Variants in XIRP1 observed in about 807,000 individuals in gnomAD.
XIRP1 encodes the protein xin actin-binding repeat-containing protein 1.
For synonymous variants in XIRP1, 984 were observed against 947.0 expected (o/e 1.04, Z -0.72); for missense variants, 2,378 against 2,345.4 (o/e 1.01, Z -0.29).
Position 39,186,647 on chromosome 3 carries a change from T to G in XIRP1, c.2799A>C (p.Ile933=). Reference sequence around the variant, plus strand: ...GCAGGCCACTCAGGTCTCCTTTATCTATGCAGCTGGCCAACAGCTGCACGC... The same window carrying G: ...GCAGGCCACTCAGGTCTCCTTTATCGATGCAGCTGGCCAACAGCTGCACGC... ...RSSVQLLASC[I]DKGDLSGLHS... The change falls in exon 2 of 2, where the codon ATA becomes ATC. Residue 933 remains isoleucine (I), a synonymous_variant. Coordinates refer to ENST00000340369, the MANE Select transcript of XIRP1 (RefSeq NM_194293.4). 1 of 1,613,154 alleles carries G rather than the reference T, an allele frequency of 6.2e-7. No homozygotes were observed. The highest frequency in any genetic ancestry group is 1.3e-5 in the African/African-American group (1 of 75,016).
At position 39,185,446 on chromosome 3, in the gene XIRP1, T is replaced by A; in HGVS notation, c.4000A>T (p.Thr1334Ser). The A allele has an allele frequency of 6.2e-7, 1 of 1,604,844 alleles. No homozygotes were observed. The highest frequency in any genetic ancestry group is 8.5e-7 in the Non-Finnish European group (1 of 1,175,130). Residue 1334 changes from threonine to serine, a missense_variant, in exon 2 of 2, where the codon ACC (threonine) becomes TCC (serine). Physicochemically the swap from Thr to Ser is moderately conservative, Grantham distance 58 (BLOSUM62 1). Transcript: ENST00000340369. ...AGCCTCTGAGGAGGGTGGCTCTGGG[T>A]TAGGTGTGCAGGTTTAGGGGGCAGC... The part of the protein sequence containing the change: ...PQLPPKPAHL[T>S]QSHPPQRLPK...
rs1266957683 is a variant in XIRP1 at position 39,185,245 on chromosome 3, G to C, written c.4201C>G (p.His1401Asp). Residue 1401 changes from histidine to aspartate, a missense_variant, in exon 2 of 2, where the codon CAT becomes GAT. Coordinates refer to ENST00000340369, the MANE Select transcript of XIRP1 (RefSeq NM_194293.4). ...PSGHSQPSLQ[H>D]GLSTTAPRPT... ...CTGGGGGCCGTGGTGCTGAGGCCAT[G>C]TTGTAAGCTGGGCTGGCTATGTCCA... is the stretch of plus-strand genomic sequence containing the variant. The C allele has an allele frequency of 6.2e-7, 1 of 1,614,218 alleles. No individual in the cohort carries two copies. The highest frequency in any genetic ancestry group is 8.5e-7 in the Non-Finnish European group (1 of 1,180,040).
At position 39,189,419 on chromosome 3, in the gene XIRP1, G is replaced by T. The variant is rs2040055526; in HGVS notation, c.27C>A (p.Ala9=). ...TTGCCATCCTCATGGTTGGTGTGGG[G>T]GCCACCTGTGTCTGGGTGTCGGCCA... MADTQTQV[A]PTPTMRMATA... Residue 9 remains alanine (A), a synonymous_variant, in exon 2 of 2, where the codon GCC becomes GCA. Transcript: ENST00000340369. 4 of 1,601,380 alleles carry T rather than the reference G, an allele frequency of 2.5e-6. No homozygotes were observed. The highest frequency in any genetic ancestry group is 3.4e-6 in the Non-Finnish European group (4 of 1,173,562).
rs573396589 is a variant in XIRP1, at chr3:39,184,667, G to A, written c.4779C>T (p.Ser1593=). The change falls in exon 2 of 2, where the codon AGC becomes AGT. Residue 1593 remains serine (S), a synonymous_variant. Transcript: ENST00000340369. ...CCTGGCCTGAGCCACTGGGCCTGGC[G>A]CTACTGCTGACTGTGACACTGATCT... The part of the protein sequence containing the change: ...AHKISVTVSS[S]ARPSGSGQEV... 2.4e-5 allele frequency: 39 copies of A among 1,614,046 alleles called. No homozygotes were observed. In the East Asian group the frequency reaches 5.3e-4, roughly 22 times the overall value.
rs571280940 is a variant in XIRP1 at position 39,189,185 on chromosome 3, G to A, written c.261C>T (p.Thr87=). 24 of 1,614,034 alleles carry A rather than the reference G, an allele frequency of 1.5e-5. No homozygotes were observed. Among genetic ancestry groups the A allele is most frequent in the African/African-American group, 5.3e-5 (4 of 74,932 alleles). ...AGCGCATGCACTGAACGTCACCCTCGGTGGGTTCCTCAGAGCCCAGGACCT... is the reference window on the plus strand; with the variant it reads ...AGCGCATGCACTGAACGTCACCCTCAGTGGGTTCCTCAGAGCCCAGGACCT... ...LAEVLGSEEP[T]EGDVQCMRWI... The change falls in exon 2 of 2, where the codon ACC becomes ACT. Residue 87 remains threonine (T), a synonymous_variant. Transcript: ENST00000340369.
chr3:39,189,439 C>T lies in XIRP1; in HGVS notation c.7G>A (p.Asp3Asn), dbSNP rs2271488. The change falls in exon 2 of 2, where the codon GAC becomes AAC. Residue 3 changes from aspartate to asparagine, a missense_variant. Asp to Asn is a conservative substitution (Grantham distance 23). Transcript: ENST00000340369. Reference sequence around the variant, plus strand: ...GTGGGGGCCACCTGTGTCTGGGTGTCGGCCATCCTTCTGAGAAGAAGGGGC... The same window carrying T: ...GTGGGGGCCACCTGTGTCTGGGTGTTGGCCATCCTTCTGAGAAGAAGGGGC... MADTQTQVAPTPT... is the reference protein window; with the variant it reads MANTQTQVAPTPT... The T allele has an allele frequency of 4.3e-4, 687 of 1,583,836 alleles. 2 individuals carry two copies. The East Asian group carries it at 9.6e-3, about 22-fold the overall frequency.
In XIRP1 at chr3:39,188,846, C is replaced by T. The variant is rs766405846; in HGVS notation, c.600G>A (p.Leu200=). ...GGGAGGGGCGGGAGCCCAGGCGGTC[C>T]AGCGGCCGCGTCTCAAAGAGCATCC... ...GTRMLFETRP[L]DRLGSRPSLQ... is the part of the protein sequence containing the mutation. Residue 200 remains leucine, a synonymous_variant, in exon 2 of 2, where the codon CTG becomes CTA. Transcript: ENST00000340369. The T allele has an allele frequency of 1.9e-6, 3 of 1,612,548 alleles. No individual in the cohort carries two copies. Among genetic ancestry groups the T allele is most frequent in the Non-Finnish European group, 1.7e-6 (2 of 1,180,016 alleles).
Position 39,184,373 on chromosome 3 carries a change from G to A in XIRP1, c.5073C>T (p.Asn1691=), listed in dbSNP as rs2039922345. The A allele has an allele frequency of 3.7e-6, 6 of 1,614,182 alleles. No homozygotes were observed. Among genetic ancestry groups the A allele is most frequent in the Non-Finnish European group, 5.1e-6 (6 of 1,180,026 alleles). The change falls in exon 2 of 2, where the codon AAC becomes AAT. Residue 1691 remains asparagine (N), a synonymous_variant. Transcript: ENST00000340369. ...GTGTGCTTTTCACTGAGACATCAGG[G>A]TTGCCCTTAAAGCTGGGAGTCTCTA... The part of the protein sequence containing the change: ...KPLETPSFKG[N]PDVSVKSTQL...
In XIRP1 at chr3:39,185,797, CT is replaced by C. The variant is rs771161734; in HGVS notation, c.3648del (p.Gly1218AlafsTer9). The C allele has an allele frequency of 5.1e-5, 82 of 1,612,888 alleles. No homozygotes were observed. The highest frequency in any genetic ancestry group is 6.6e-5 in the Non-Finnish European group (78 of 1,179,492). On this transcript the variant is annotated frameshift_variant, in exon 2 of 2. Transcript: ENST00000340369. LOFTEE classifies it low-confidence loss of function (END_TRUNC). ...PPGKAMAEVC[P>X]GGLQAAETTL... ...GTGGTCTCTGCAGCTTGGAGGCCCC[CT>C]GGGCAGACTTCTGCCATCGCCTTCC...
At position 39,186,939 on chromosome 3, in the gene XIRP1, C is replaced by T. The variant is rs763435268; in HGVS notation, c.2507G>A (p.Arg836His). 3.7e-5 allele frequency: 60 copies of T among 1,613,212 alleles called. No individual in the cohort carries two copies. Among genetic ancestry groups the T allele is most frequent in the South Asian group, 9.9e-5 (9 of 91,090 alleles). ...CCCCTGCTGGTCCACATCTGGCCGGCGCAGGACTTGGCAGATGATCCTGGG... is the reference window on the plus strand; with the variant it reads ...CCCCTGCTGGTCCACATCTGGCCGGTGCAGGACTTGGCAGATGATCCTGGG... ...ELPRIICQVL[R>H]RPDVDQQGLL... The change falls in exon 2 of 2, where the codon CGC becomes CAC. Residue 836 changes from arginine to histidine, a missense_variant. Transcript: ENST00000340369.
In XIRP1 at chr3:39,183,549, G is replaced by A. The variant is rs1196413614; in HGVS notation, c.*365C>T. On this transcript the variant is annotated 3_prime_UTR_variant, in exon 2 of 2. Coordinates refer to ENST00000340369, the MANE Select transcript of XIRP1 (RefSeq NM_194293.4). ...AAGAAATAAAAACTCTGGGTAGAGG[G>A]ACACTCTGGGGGGCTCCAATTCAGG... 8 of 227,318 alleles carry A rather than the reference G, an allele frequency of 3.5e-5. 1 individual carries two copies. In the Admixed American group the frequency reaches 4.1e-4, roughly 12 times the overall value. 14.1% of individuals were successfully genotyped at this position (227,318 alleles called of 1,614,324 possible).
Position 39,186,835 on chromosome 3 carries a change from T to G in XIRP1, c.2611A>C (p.Ile871Leu), listed in dbSNP as rs775425823. 1 of 1,613,746 alleles carries G rather than the reference T, an allele frequency of 6.2e-7. No homozygotes were observed. The highest frequency in any genetic ancestry group is 8.5e-7 in the Non-Finnish European group (1 of 1,179,702). The change falls in exon 2 of 2, where the codon ATT (isoleucine) becomes CTT (leucine). Residue 871 changes from isoleucine (I) to leucine (L), a missense_variant. Ile to Leu is a conservative substitution (Grantham distance 5, BLOSUM62 2). Coordinates refer to ENST00000340369, the MANE Select transcript of XIRP1 (RefSeq NM_194293.4). ...RLPTPGSSGN[I>L]EDMDPELQQL... ...TGGAGCTCAGGGTCCATGTCTTCAA[T>G]ATTCCCACTGCTGCCTGGAGTTGGC...
Position 39,183,345 on chromosome 3 carries a change from GT to G in XIRP1, c.*568del, listed in dbSNP as rs2039899366. Reference sequence around the variant, plus strand: ...GACATGCTGATTGCTGACTCTTTGGGTGACCTTTGGGCCACCAGATGACCAG... The same window carrying G: ...GACATGCTGATTGCTGACTCTTTGGGGACCTTTGGGCCACCAGATGACCAG... On this transcript the variant is annotated 3_prime_UTR_variant, in exon 2 of 2. Transcript: ENST00000340369. 6.5e-6 allele frequency: 1 copy of G among 153,574 alleles called. No homozygotes were observed. The allele number at this position is 153,574 out of a possible 1,614,324, so 9.5% of individuals were successfully genotyped here. A position where few individuals can be genotyped will look rare whatever the true frequency, so the allele number is the denominator to read the frequency against.
chr3:39,187,051 C>G lies in XIRP1; in HGVS notation c.2395G>C (p.Glu799Gln), dbSNP rs1236266229. The G allele has an allele frequency of 6.2e-7, 1 of 1,612,524 alleles. No individual in the cohort carries two copies. The change falls in exon 2 of 2, where the codon GAG becomes CAG. Residue 799 changes from glutamate to glutamine, a missense_variant. Glu to Gln is a conservative substitution (Grantham distance 29, BLOSUM62 2). Coordinates refer to ENST00000340369, the MANE Select transcript of XIRP1 (RefSeq NM_194293.4). ...AGCACATACTTGGCAAGACAGAGCTCCCCTGGCCCTCGGGCCTCCATGAGG... is the reference window on the plus strand; with the variant it reads ...AGCACATACTTGGCAAGACAGAGCTGCCCTGGCCCTCGGGCCTCCATGAGG... ...GILMEARGPG[E>Q]LCLAKYVLSG...
In XIRP1 at chr3:39,188,144, T is replaced by C. The variant is rs750629044; in HGVS notation, c.1302A>G (p.Leu434=). 1 of 1,614,168 alleles carries C rather than the reference T, an allele frequency of 6.2e-7. No individual in the cohort carries two copies. The highest frequency in any genetic ancestry group is 8.5e-7 in the Non-Finnish European group (1 of 1,180,012). The change falls in exon 2 of 2, where the codon CTA becomes CTG. Residue 434 remains leucine (L), a synonymous_variant. Coordinates refer to ENST00000340369, the MANE Select transcript of XIRP1 (RefSeq NM_194293.4). ...FSQSAPQRDE[L]KGDVKTFKNL... ...TCTTAAAAGTCTTCACATCCCCCTT[T>C]AGCTCATCCCTCTGGGGGGCACTCT...
Position 39,189,308 on chromosome 3 carries a change from A to G in XIRP1, c.138T>C (p.His46=), listed in dbSNP as rs1279975468. ...PPPKESFSKF[H]QQRQASELRR... ...GGAGCTCACTAGCTTGCCGCTGCTG[A>G]TGGAACTTGGAGAAGGATTCCTTGG... Residue 46 remains histidine, a synonymous_variant, in exon 2 of 2, where the codon CAT becomes CAC. Transcript: ENST00000340369. 2 of 1,416,896 alleles carry G rather than the reference A, an allele frequency of 1.4e-6. No individual in the cohort carries two copies. Among genetic ancestry groups the G allele is most frequent in the South Asian group, 1.1e-5 (1 of 88,696 alleles). The allele number at this position is 1,416,896 out of a possible 1,614,324, so 87.8% of individuals were successfully genotyped here.
Position 39,184,463 on chromosome 3 carries a change from AG to A in XIRP1, c.4982del (p.Pro1661LeufsTer23). On this transcript the variant is annotated frameshift_variant, in exon 2 of 2. Transcript: ENST00000340369. LOFTEE classifies it low-confidence loss of function (END_TRUNC). ...REYLCPPRVLPSSRDSPSSPT... is the reference protein window; with the variant it reads ...REYLCPPRVLXSSRDSPSSPT... ...GGGAGGAGGGAGAATCTCGGCTGGA[AG>A]GTAAAACCCGAGGAGGGCACAAATA... The A allele has an allele frequency of 7.4e-6, 12 of 1,614,142 alleles. No individual in the cohort carries two copies. The highest frequency in any genetic ancestry group is 1.0e-5 in the Non-Finnish European group (12 of 1,180,024).
chr3:39,184,249 G>T lies in XIRP1; in HGVS notation c.5197C>A (p.Pro1733Thr), dbSNP rs768389701. 6 of 1,614,072 alleles carry T rather than the reference G, an allele frequency of 3.7e-6. No homozygotes were observed. Among genetic ancestry groups the T allele is most frequent in the Non-Finnish European group, 5.1e-6 (6 of 1,180,016 alleles). Reference protein sequence around the residue: ...DITQCSVQPEPAPPSASPLPR... With the variant: ...DITQCSVQPETAPPSASPLPR... Reference sequence around the variant, plus strand: ...AGGGGACTGGCTGAGGGAGGGGCAGGTTCAGGTTGCACAGAGCACTGGGTG... The same window carrying T: ...AGGGGACTGGCTGAGGGAGGGGCAGTTTCAGGTTGCACAGAGCACTGGGTG... The change falls in exon 2 of 2, where the codon CCT (proline) becomes ACT (threonine). Residue 1733 changes from proline to threonine, a missense_variant. Coordinates refer to ENST00000340369, the MANE Select transcript of XIRP1 (RefSeq NM_194293.4).
intron 1 of XIRP1, among the ~76,000 whole-genome samples, chr3:39,191,123 G>A (rs1045165906): frequency 2.0e-5 from 3 of 152,196 alleles, no homozygotes; most frequent in African/African-American, 7.2e-5. Context: ...ACTGAGACCT[G>A]CTGACCCCAT....
Sources: allele counts gnomAD v4.1 joint callset (sites outside exome capture counted in the v4.1 genomes callset), GRCh38; gene constraint gnomAD v4.1.1; transcripts MANE v1.5; gene names NCBI Gene and HGNC (gene_info 2026-07-23, HGNC 2026-07-21).